The following ELMO1 variants were observed in gnomAD, a reference collection of about 807,000 sequenced individuals.
The protein encoded by ELMO1 is engulfment and cell motility 1.
Under a neutral mutation model 98.9 loss-of-function variants are expected in ELMO1, and 26 were observed. The ratio of observed to expected loss-of-function variants is 0.26; its 90% CI spans 0.19 to 0.36. ELMO1 has a LOEUF of 0.36. ELMO1 is among the 10% of genes least tolerant of loss of function. The pLI is 1.00. For missense variants in ELMO1, 627 were observed against 935.2 expected (o/e 0.67, Z 4.30); for synonymous variants, 346 against 346.0 (o/e 1.00, Z 0.00).
intron 1 of ELMO1, among the ~76,000 whole-genome samples, chr7:37,351,978 C>T (rs1175720204): frequency 6.6e-6 from 1 of 152,198 alleles, no homozygotes; most frequent in Non-Finnish European, 1.5e-5. Context: ...CAGCATTTCC[C>T]ACACAGCACC....
At chr7:37,070,658 A>G (rs1340952769) in intron 15 of ELMO1, among the ~76,000 whole-genome samples, 1 of 152,202 alleles carries the variant, frequency 6.6e-6, no homozygotes, top group Non-Finnish European at 1.5e-5. Flanking sequence ...TGGTCTGGCC[A>G]TTCCTGGCTT....
intron 4 of ELMO1, among the ~76,000 whole-genome samples, chr7:37,293,270 A>C (rs1279034768): frequency 7.3e-6 from 1 of 136,810 alleles, no homozygotes; most frequent in African/African-American, 2.6e-5. Context: ...GTTTTGTAGA[A>C]TAGAAAGGGG....
At chr7:37,125,624 A>G (rs1563019126) in intron 14 of ELMO1, among the ~76,000 whole-genome samples, 2 of 152,188 alleles carry the variant, frequency 1.3e-5, no homozygotes, top group South Asian at 2.1e-4. Flanking sequence ...TTAGAATGGC[A>G]ATCATTAAAA....
chr7:37,391,048 C>T (rs1303947657), intron 1 of ELMO1, among the ~76,000 whole-genome samples: 2 of 149,586 alleles, frequency 1.3e-5, no homozygotes, highest in African/African-American at 2.4e-5. Flanking sequence ...TCCTTCCTTC[C>T]TTCCTTCCTT....
intron 16 of ELMO1, among the ~76,000 whole-genome samples, chr7:36,952,197 A>T (rs1239901325): frequency 6.6e-6 from 1 of 152,230 alleles, no homozygotes; most frequent in African/African-American, 2.4e-5. Flanking sequence ...TGGAACATGC[A>T]TCCTGAGAAG....
At chr7:37,032,657 A>G (rs1794943235) in intron 15 of ELMO1, among the ~76,000 whole-genome samples, 1 of 152,186 alleles carries the variant, frequency 6.6e-6, no homozygotes, top group Non-Finnish European at 1.5e-5. Flanking sequence ...CATGAAGCAA[A>G]GTGAGAGGAC....
At chr7:37,126,715 G>T (rs1392822729) in intron 14 of ELMO1, among the ~76,000 whole-genome samples, 1 of 152,130 alleles carries the variant, frequency 6.6e-6, no homozygotes, top group African/African-American at 2.4e-5. Context: ...TCCATGTCAG[G>T]TATTTCAGAA....
At chr7:36,957,113 C>G (rs1380419962) in intron 16 of ELMO1, among the ~76,000 whole-genome samples, 5 of 152,210 alleles carry the variant, frequency 3.3e-5, no homozygotes, top group Non-Finnish European at 1.5e-5. Context: ...GAAGTGCTCT[C>G]CATGAAAACA....
In ELMO1 at chr7:36,963,689, C is replaced by T. The variant is rs139174229; in HGVS notation, c.1437+49610G>A. ...GGAACAAAAAGCACCACTGAAATTT[C>T]GTAACAGTGTTGATTTGTCACCTAT... is the stretch of plus-strand genomic sequence containing the variant. On this transcript the variant is annotated intron_variant, in intron 16 of 21. Transcript: ENST00000310758. Among the ~76,000 whole-genome samples, 641 of 152,214 alleles carry T rather than the reference C, an allele frequency of 4.2e-3. 9 individuals carry two copies. Among genetic ancestry groups the T allele is most frequent in the African/African-American group, 0.015 (609 of 41,530 alleles).
intron 16 of ELMO1, among the ~76,000 whole-genome samples, chr7:36,993,223 AG>A (rs1791986884): frequency 6.6e-6 from 1 of 152,076 alleles, no homozygotes; most frequent in African/African-American, 2.4e-5. Context: ...CCACAGGGGG[AG>A]GGTACCCATA....
chr7:37,130,822 A>G (rs1478330885), intron 14 of ELMO1, among the ~76,000 whole-genome samples: 9 of 152,124 alleles, frequency 5.9e-5, no homozygotes, highest in African/African-American at 1.2e-4. Flanking sequence ...TGGCAAAGAG[A>G]GTGAATAGTG....
chr7:37,185,524 T>G (rs1036896674), intron 13 of ELMO1, among the ~76,000 whole-genome samples: 2 of 152,192 alleles, frequency 1.3e-5, no homozygotes, highest in Non-Finnish European at 2.9e-5. Context: ...CACCCTAGAT[T>G]CAAGCTTTTG....
rs542178340 is a variant in ELMO1 at position 37,154,427 on chromosome 7, A to T, written c.1087-21193T>A. On this transcript the variant is annotated intron_variant, in intron 13 of 21. Coordinates refer to ENST00000310758, the MANE Select transcript of ELMO1 (RefSeq NM_014800.11). ...AAGCTAAAAACCCTGAAAAAAGGTTAGATGAATAGCTAACTAGAACAACCA... is the reference window on the plus strand; with the variant it reads ...AAGCTAAAAACCCTGAAAAAAGGTTTGATGAATAGCTAACTAGAACAACCA... Among the ~76,000 whole-genome samples, 3 of 152,134 alleles carry T rather than the reference A, an allele frequency of 2.0e-5. No homozygotes were observed. In the South Asian group the frequency reaches 6.2e-4, roughly 32 times the overall value.
chr7:37,162,902 C>CT (rs1789327520), intron 13 of ELMO1, among the ~76,000 whole-genome samples: 1 of 152,162 alleles, frequency 6.6e-6, no homozygotes. Context: ...TTCCCAGTGT[C>CT]TAGACTCTAA....
In ELMO1 at chr7:37,443,473, T is replaced by C. The variant is rs147193661; in HGVS notation, c.-74+5202A>G. Reference sequence around the variant, plus strand: ...TATGCCAGTTTGTTACTGTAGTTAATTCTGTTTGATGAGCTAGCATTCCTT... The same window carrying C: ...TATGCCAGTTTGTTACTGTAGTTAACTCTGTTTGATGAGCTAGCATTCCTT... On this transcript the variant is annotated intron_variant, in intron 1 of 21. Transcript: ENST00000310758. Among the ~76,000 whole-genome samples the C allele has an allele frequency of 1.6e-4, 24 of 152,336 alleles. No homozygotes were observed. The East Asian group carries it at 4.2e-3, about 27-fold the overall frequency.
intron 13 of ELMO1, among the ~76,000 whole-genome samples, chr7:37,166,069 G>C (rs1789662294): frequency 1.3e-5 from 2 of 152,218 alleles, no homozygotes; most frequent in African/African-American, 4.8e-5. Context: ...AGTCTTGGGA[G>C]AGTGTATGTG....
In ELMO1 at chr7:36,887,749, G is replaced by A. The variant is rs141883842; in HGVS notation, c.1602-77C>T. ...GGCTTGGTGGGCATCATGGGCATACGGGCAGGGGAGAACAAGTGCATCTTT... is the reference window on the plus strand; with the variant it reads ...GGCTTGGTGGGCATCATGGGCATACAGGCAGGGGAGAACAAGTGCATCTTT... On this transcript the variant is annotated intron_variant, in intron 17 of 21. Transcript: ENST00000310758. 671 of 1,283,210 alleles carry A rather than the reference G, an allele frequency of 5.2e-4. 4 individuals are homozygous for A. Among genetic ancestry groups the A allele is most frequent in the African/African-American group, 1.7e-4 (12 of 68,578 alleles). 79.5% of individuals were successfully genotyped at this position (1,283,210 alleles called of 1,614,324 possible). A position where few individuals can be genotyped will look rare whatever the true frequency, so the allele number is the denominator to read the frequency against.
At chr7:36,887,495 T>A in intron 18 of ELMO1, 65 bp downstream of exon 18, 1 of 1,457,936 alleles carries the variant, frequency 6.9e-7, no homozygotes, top group South Asian at 1.2e-5. Context: ...CATGCCCTTG[T>A]GATTCTCCAG....
chr7:37,331,207 T>C (rs1311084425), intron 2 of ELMO1, among the ~76,000 whole-genome samples: 1 of 151,446 alleles, frequency 6.6e-6, no homozygotes, highest in Non-Finnish European at 1.5e-5. Flanking sequence ...TCTCGCTCTG[T>C]CGCCCAAGTT....
Sources: gnomAD v4.1 joint callset for allele counts (sites outside exome capture counted in the v4.1 genomes callset) on GRCh38, gnomAD v4.1.1 for gene constraint, MANE v1.5 for transcripts, NCBI Gene and HGNC (gene_info 2026-07-23, HGNC 2026-07-21) for gene names.